PAK5: variants seen among roughly 807,000 people sequenced by gnomAD.
The protein encoded by PAK5 is p21 (RAC1) activated kinase 5.
PAK5 carries 16 observed loss-of-function variants against 65.9 expected under a neutral mutation model. That is an observed-to-expected ratio of 0.24 (90% CI 0.16 to 0.37). The LOEUF is 0.37. Among genes scored for constraint, PAK5 ranks in the 10% least tolerant of loss-of-function variants. The pLI is 1.00. For synonymous variants in PAK5, 371 were observed against 354.9 expected (o/e 1.05, Z -0.51); for missense variants, 785 against 903.9 (o/e 0.87, Z 1.69).
At chr20:9,830,168 T>G (rs1978596177) in intron 1 of PAK5, among the ~76,000 whole-genome samples, 1 of 152,184 alleles carries the variant, frequency 6.6e-6, no homozygotes, top group African/African-American at 2.4e-5. Context: ...TAATATACAG[T>G]GACCAGGACA....
chr20:9,641,513 C>T (rs1164350486), intron 3 of PAK5, among the ~76,000 whole-genome samples: 1 of 149,054 alleles, frequency 6.7e-6, no homozygotes, highest in Non-Finnish European at 1.5e-5. Flanking sequence ...GACTCAGGAG[C>T]CCAGCTGGCT....
chr20:9,824,246 AAAG>A (rs1264796130), intron 1 of PAK5, among the ~76,000 whole-genome samples: 3 of 152,202 alleles, frequency 2.0e-5, no homozygotes, highest in Non-Finnish European at 4.4e-5. Flanking sequence ...CAAAATGGAG[AAAG>A]AATATTAAAT....
chr20:9,824,323 G>A (rs994417100), intron 1 of PAK5, among the ~76,000 whole-genome samples: 14 of 152,178 alleles, frequency 9.2e-5, no homozygotes, highest in Non-Finnish European at 4.4e-5. Context: ...GGAGGCCAAG[G>A]CAGGAGGATT....
chr20:9,665,811 T>C (rs2047409425), intron 2 of PAK5, among the ~76,000 whole-genome samples: 1 of 152,060 alleles, frequency 6.6e-6, no homozygotes, highest in African/African-American at 2.4e-5. Flanking sequence ...TTTCTAAAGA[T>C]ATAGAAATGC....
chr20:9,638,216 A>G (rs2047005876), intron 3 of PAK5, among the ~76,000 whole-genome samples: 1 of 152,248 alleles, frequency 6.6e-6, no homozygotes, highest in Non-Finnish European at 1.5e-5. Flanking sequence ...TTCAGCACAG[A>G]TTTTGGTAAT....
At chr20:9,817,886 T>A (rs1038008764) in intron 1 of PAK5, among the ~76,000 whole-genome samples, 1 of 152,216 alleles carries the variant, frequency 6.6e-6, no homozygotes, top group African/African-American at 2.4e-5. Flanking sequence ...AGGCCAGGCA[T>A]GGCCAATCTC....
intron 2 of PAK5, among the ~76,000 whole-genome samples, chr20:9,655,428 T>G (rs2047254118): frequency 6.6e-6 from 1 of 152,096 alleles, no homozygotes; most frequent in Non-Finnish European, 1.5e-5. Flanking sequence ...TTTGAGTCAT[T>G]TAGCCTATTT....
At chr20:9,665,545 T>C (rs1444903004) in intron 2 of PAK5, among the ~76,000 whole-genome samples, 1 of 151,432 alleles carries the variant, frequency 6.6e-6, no homozygotes, top group Non-Finnish European at 1.5e-5. Flanking sequence ...TGCAGTGGCA[T>C]GATCACAGAT....
intron 1 of PAK5, among the ~76,000 whole-genome samples, chr20:9,791,925 A>T (rs1360168200): frequency 1.3e-5 from 2 of 152,000 alleles, no homozygotes; most frequent in African/African-American, 4.8e-5. Context: ...TTGAGAACTA[A>T]ATCCATGTGA....
At position 9,539,089 on chromosome 20, in the gene PAK5, T is replaced by TTTC. The variant is rs11483821; in HGVS notation, c.*372_*373insGAA. 5 of 79,486 alleles carry TTTC rather than the reference T, an allele frequency of 6.3e-5. No individual in the cohort carries two copies. The highest frequency in any genetic ancestry group is 1.1e-4 in the Non-Finnish European group (5 of 44,532). 4.9% of individuals were successfully genotyped at this position (79,486 alleles called of 1,614,324 possible). ...AGTGCTTTTTGTTTTCCTTTCTTTCTTTTTTTTTTTTTTTTGCCAGAAAAG... is the reference window on the plus strand; with the variant it reads ...AGTGCTTTTTGTTTTCCTTTCTTTCTTTCTTTTTTTTTTTTTTTGCCAGAAAAG... On this transcript the variant is annotated 3_prime_UTR_variant, in exon 10 of 10. Coordinates refer to ENST00000353224, the MANE Select transcript of PAK5 (RefSeq NM_177990.4).
intron 2 of PAK5, among the ~76,000 whole-genome samples, chr20:9,687,045 G>A (rs1021546993): frequency 4.6e-5 from 7 of 152,100 alleles, no homozygotes; most frequent in South Asian, 2.1e-4. Flanking sequence ...CAAAGGAGCC[G>A]CCCCCTCCTG....
At chr20:9,726,553 C>A (rs1038179607) in intron 1 of PAK5, among the ~76,000 whole-genome samples, 1 of 152,116 alleles carries the variant, frequency 6.6e-6, no homozygotes, top group Admixed American at 6.5e-5. Flanking sequence ...TAACTAAATG[C>A]AGGTCAAAAT....
At chr20:9,763,175 G>GGTT (rs1418674017) in intron 1 of PAK5, among the ~76,000 whole-genome samples, 1 of 152,072 alleles carries the variant, frequency 6.6e-6, no homozygotes, top group African/African-American at 2.4e-5. Flanking sequence ...AAGATAAATA[G>GGTT]GTTCTGTAGA....
chr20:9,735,721 C>G (rs564171280), intron 1 of PAK5, among the ~76,000 whole-genome samples: 15 of 151,944 alleles, frequency 9.9e-5, no homozygotes, highest in Non-Finnish European at 2.2e-4. Context: ...ATTGATAGGA[C>G]TATAAAAATA....
At chr20:9,824,810 G>C (rs970380797) in intron 1 of PAK5, among the ~76,000 whole-genome samples, 3 of 152,088 alleles carry the variant, frequency 2.0e-5, no homozygotes, top group Non-Finnish European at 4.4e-5. Flanking sequence ...GCTGTTTCCT[G>C]TCTGTCTCTC....
chr20:9,700,964 T>A (rs535071602), intron 2 of PAK5, among the ~76,000 whole-genome samples: 35 of 152,230 alleles, frequency 2.3e-4, no homozygotes, highest in African/African-American at 7.9e-4. Context: ...AAGCTTCCTT[T>A]AAAAAACTGG....
At chr20:9,557,270 T>C (rs1568961080) in intron 7 of PAK5, among the ~76,000 whole-genome samples, 1 of 152,168 alleles carries the variant, frequency 6.6e-6, no homozygotes, top group Non-Finnish European at 1.5e-5. Context: ...CATGTATTCA[T>C]GTGAATAGGT....
intron 3 of PAK5, among the ~76,000 whole-genome samples, chr20:9,597,482 C>A (rs2046291394): frequency 6.6e-6 from 1 of 152,186 alleles, no homozygotes; most frequent in Non-Finnish European, 1.5e-5. Context: ...CTGTCACATG[C>A]CATTTGGTGT....
intron 2 of PAK5, among the ~76,000 whole-genome samples, chr20:9,692,820 T>G (rs939694360): frequency 6.6e-6 from 1 of 152,126 alleles, no homozygotes; most frequent in Non-Finnish European, 1.5e-5. Context: ...TTGGCAGCTG[T>G]GTGAGCCTGA....
Sources: allele counts gnomAD v4.1 joint callset (sites outside exome capture counted in the v4.1 genomes callset), GRCh38; gene constraint gnomAD v4.1.1; transcripts MANE v1.5; gene names NCBI Gene and HGNC (gene_info 2026-07-23, HGNC 2026-07-21).